The following TMEM203 variants were observed in gnomAD, a reference collection of about 807,000 sequenced individuals.
TMEM203 encodes HBeAg-binding protein 1.
Under a neutral mutation model 7.9 loss-of-function variants are expected in TMEM203, and 4 were observed. The ratio of observed to expected loss-of-function variants is 0.51; its 90% CI spans 0.25 to 1.16. TMEM203 has a LOEUF of 1.16. TMEM203 is among the 50% of genes most tolerant of loss of function. The pLI is 0.15. For missense variants in TMEM203, 127 were observed against 174.4 expected (o/e 0.73, Z 1.53); for synonymous variants, 92 against 82.5 (o/e 1.11, Z -0.62).
At position 137,204,947 on chromosome 9, in the gene TMEM203, C is replaced by T. The variant is rs1434605521; in HGVS notation, c.*57G>A. 2 of 1,543,836 alleles carry T rather than the reference C, an allele frequency of 1.3e-6. No homozygotes were observed. The highest frequency in any genetic ancestry group is 1.2e-5 in the South Asian group (1 of 80,868). ...CTCCGGTGCGCTGCAAGTAGGGCCT[C>T]GGCTCGAGGTCAACATTCTAGTTGT... On this transcript the variant is annotated 3_prime_UTR_variant, in exon 1 of 1. Coordinates refer to ENST00000343666, the MANE Select transcript of TMEM203 (RefSeq NM_053045.2).
rs1015253249 is a variant in TMEM203, at chr9:137,205,522, G to A, written c.-108C>T. 4 of 1,254,878 alleles carry A rather than the reference G, an allele frequency of 3.2e-6. No individual in the cohort carries two copies. The East Asian group carries it at 1.3e-4, about 40-fold the overall frequency. The allele number at this position is 1,254,878 out of a possible 1,614,324, so 77.7% of individuals were successfully genotyped here. A position where few individuals can be genotyped will look rare whatever the true frequency, so the allele number is the denominator to read the frequency against. ...CGCCTGCCGCCGCTGCTGCGAGCGA[G>A]AGGCAGCGAGCGGCCCCGCCAGCCC... On this transcript the variant is annotated 5_prime_UTR_variant, in exon 1 of 1. Coordinates refer to ENST00000343666, the MANE Select transcript of TMEM203 (RefSeq NM_053045.2).
Position 137,204,512 on chromosome 9 carries a change from GAT to G in TMEM203, c.*490_*491del, listed in dbSNP as rs1232902056. ...AGGAGATACAAGCTCGTTTACATGT[GAT>G]AGATCTAACAAAGGCATCTACCGAA... On this transcript the variant is annotated 3_prime_UTR_variant, in exon 1 of 1. Transcript: ENST00000343666. The G allele has an allele frequency of 6.4e-6, 1 of 155,478 alleles. No homozygotes were observed. The highest frequency in any genetic ancestry group is 1.9e-4 in the East Asian group (1 of 5,266). The allele number at this position is 155,478 out of a possible 1,614,324, so 9.6% of individuals were successfully genotyped here. A position where few individuals can be genotyped will look rare whatever the true frequency, so the allele number is the denominator to read the frequency against.
Position 137,205,244 on chromosome 9 carries a change from G to C in TMEM203, c.171C>G (p.Asp57Glu). The C allele has an allele frequency of 6.2e-7, 1 of 1,611,656 alleles. No individual in the cohort carries two copies. ...WNVFVPFFAADGLSTYFTTIV... is the reference protein window; with the variant it reads ...WNVFVPFFAAEGLSTYFTTIV... ...TGGTGGTGAAGTAGGTGCTGAGCCC[G>C]TCAGCGGCGAAGAAAGGCACGAACA... Residue 57 changes from aspartate (D) to glutamate (E), a missense_variant, in exon 1 of 1, where the codon GAC (aspartate) becomes GAG (glutamate). Physicochemically the swap from Asp to Glu is conservative, Grantham distance 45. Coordinates refer to ENST00000343666, the MANE Select transcript of TMEM203 (RefSeq NM_053045.2).
Position 137,204,852 on chromosome 9 carries a change from G to A in TMEM203, c.*152C>T. The stretch of plus-strand genomic sequence containing the variant: ...CTGCTGAAGAAACCATTTCAAACAG[G>A]ATTGGAATAGGGAAACCCGGCACTC... On this transcript the variant is annotated 3_prime_UTR_variant, in exon 1 of 1. Transcript: ENST00000343666. 1.0e-6 allele frequency: 1 copy of A among 999,032 alleles called. No homozygotes were observed. Among genetic ancestry groups the A allele is most frequent in the Non-Finnish European group, 1.4e-6 (1 of 700,444 alleles). 61.9% of individuals were successfully genotyped at this position (999,032 alleles called of 1,614,324 possible). A position where few individuals can be genotyped will look rare whatever the true frequency, so the allele number is the denominator to read the frequency against.
chr9:137,204,805 A>G lies in TMEM203; in HGVS notation c.*199T>C. 1 of 676,478 alleles carries G rather than the reference A, an allele frequency of 1.5e-6. No individual in the cohort carries two copies. 41.9% of individuals were successfully genotyped at this position (676,478 alleles called of 1,614,324 possible). On this transcript the variant is annotated 3_prime_UTR_variant, in exon 1 of 1. Coordinates refer to ENST00000343666, the MANE Select transcript of TMEM203 (RefSeq NM_053045.2). ...AAACAAAAGGAAATACATTTTCAGG[A>G]TGAAGGCTGCTCTTTTAAGCCCTGC...
Position 137,205,549 on chromosome 9 carries a change from A to C in TMEM203, c.-135T>G. 8.2e-7 allele frequency: 1 copy of C among 1,218,386 alleles called. No homozygotes were observed. The highest frequency in any genetic ancestry group is 1.1e-6 in the Non-Finnish European group (1 of 935,142). The allele number at this position is 1,218,386 out of a possible 1,614,324, so 75.5% of individuals were successfully genotyped here. On this transcript the variant is annotated 5_prime_UTR_variant, in exon 1 of 1. Transcript: ENST00000343666. ...GGCAGCGAGCGGCCCCGCCAGCCCC[A>C]GCCCTCGGCCCTGATGCGCCGGCAA...
chr9:137,204,765 T>G lies in TMEM203; in HGVS notation c.*239A>C, dbSNP rs1834886485. 1.8e-6 allele frequency: 1 copy of G among 567,444 alleles called. No individual in the cohort carries two copies. Among genetic ancestry groups the G allele is most frequent in the African/African-American group, 1.9e-5 (1 of 53,604 alleles). 35.2% of individuals were successfully genotyped at this position (567,444 alleles called of 1,614,324 possible). On this transcript the variant is annotated 3_prime_UTR_variant, in exon 1 of 1. Coordinates refer to ENST00000343666, the MANE Select transcript of TMEM203 (RefSeq NM_053045.2). ...TCCTCATGACCTCAATTCAGGATTA[T>G]CTACTCAAAGCATTAAACAAAAGGA...
In TMEM203 at chr9:137,205,484, T is replaced by C. The variant is rs1468275433; in HGVS notation, c.-70A>G. The C allele has an allele frequency of 1.0e-5, 14 of 1,352,956 alleles. No homozygotes were observed. The highest frequency in any genetic ancestry group is 1.2e-5 in the Non-Finnish European group (13 of 1,051,740). The allele number at this position is 1,352,956 out of a possible 1,614,324, so 83.8% of individuals were successfully genotyped here. On this transcript the variant is annotated 5_prime_UTR_variant, in exon 1 of 1. Coordinates refer to ENST00000343666, the MANE Select transcript of TMEM203 (RefSeq NM_053045.2). ...CGCGGGGCTGCGTCTCCTCTCCCCG[T>C]GGCCCTCGCCCGCGCCTGCCGCCGC...
rs992461458 is a variant in TMEM203, at chr9:137,204,828, T to C, written c.*176A>G. ...GGATGAAGGCTGCTCTTTTAAGCCCTGCTGAAGAAACCATTTCAAACAGGA... is the reference window on the plus strand; with the variant it reads ...GGATGAAGGCTGCTCTTTTAAGCCCCGCTGAAGAAACCATTTCAAACAGGA... On this transcript the variant is annotated 3_prime_UTR_variant, in exon 1 of 1. Transcript: ENST00000343666. 36 of 799,708 alleles carry C rather than the reference T, an allele frequency of 4.5e-5. 1 individual carries two copies. The South Asian group carries it at 6.3e-4, about 14-fold the overall frequency. 49.5% of individuals were successfully genotyped at this position (799,708 alleles called of 1,614,324 possible).
chr9:137,205,446 C>A lies in TMEM203; in HGVS notation c.-32G>T, dbSNP rs1336875393. 1.4e-6 allele frequency: 2 copies of A among 1,475,426 alleles called. No homozygotes were observed. Among genetic ancestry groups the A allele is most frequent in the Non-Finnish European group, 1.8e-6 (2 of 1,109,108 alleles). The allele number at this position is 1,475,426 out of a possible 1,614,324, so 91.4% of individuals were successfully genotyped here. On this transcript the variant is annotated 5_prime_UTR_variant, in exon 1 of 1. Transcript: ENST00000343666. ...CGTTGAGCGCGGGCCGGGGCCCGGC[C>A]GAGCGTGCCACCCGCGGGGCTGCGT... is the stretch of plus-strand genomic sequence containing the variant.
At position 137,204,299 on chromosome 9, in the gene TMEM203, C is replaced by CA. The variant is rs1271591135; in HGVS notation, c.*704_*705insT. 7.9e-5 allele frequency: 12 copies of CA among 152,186 alleles called. No individual in the cohort carries two copies. The highest frequency in any genetic ancestry group is 2.9e-4 in the African/African-American group (12 of 41,418). The allele number at this position is 152,186 out of a possible 1,614,324, so 9.4% of individuals were successfully genotyped here. A position where few individuals can be genotyped will look rare whatever the true frequency, so the allele number is the denominator to read the frequency against. On this transcript the variant is annotated 3_prime_UTR_variant, in exon 1 of 1. Coordinates refer to ENST00000343666, the MANE Select transcript of TMEM203 (RefSeq NM_053045.2). ...TCTCAGGTGTGCTAAGAGTGCCAGC[C>CA]CAAGGTGGTCAAAAGTCCACAAAAC...
chr9:137,204,915 G>A lies in TMEM203; in HGVS notation c.*89C>T, dbSNP rs893640128. 22 of 1,484,142 alleles carry A rather than the reference G, an allele frequency of 1.5e-5. No homozygotes were observed. Among genetic ancestry groups the A allele is most frequent in the East Asian group, 2.4e-5 (1 of 42,324 alleles). 91.9% of individuals were successfully genotyped at this position (1,484,142 alleles called of 1,614,324 possible). A position where few individuals can be genotyped will look rare whatever the true frequency, so the allele number is the denominator to read the frequency against. ...GCCGGCGGTGCCTTCAGACTAGAGA[G>A]CCTCTCCTCCGGTGCGCTGCAAGTA... On this transcript the variant is annotated 3_prime_UTR_variant, in exon 1 of 1. Transcript: ENST00000343666.
Position 137,204,902 on chromosome 9 carries a change from T to G in TMEM203, c.*102A>C. 1 of 1,453,424 alleles carries G rather than the reference T, an allele frequency of 6.9e-7. No individual in the cohort carries two copies. The highest frequency in any genetic ancestry group is 9.1e-7 in the Non-Finnish European group (1 of 1,096,382). The allele number at this position is 1,453,424 out of a possible 1,614,324, so 90.0% of individuals were successfully genotyped here. On this transcript the variant is annotated 3_prime_UTR_variant, in exon 1 of 1. Transcript: ENST00000343666. ...CAGCTCGGCGCAAGCCGGCGGTGCCTTCAGACTAGAGAGCCTCTCCTCCGG... is the reference window on the plus strand; with the variant it reads ...CAGCTCGGCGCAAGCCGGCGGTGCCGTCAGACTAGAGAGCCTCTCCTCCGG...
chr9:137,204,941 G>A lies in TMEM203; in HGVS notation c.*63C>T, dbSNP rs2131359014. Reference sequence around the variant, plus strand: ...CCTCTCCTCCGGTGCGCTGCAAGTAGGGCCTCGGCTCGAGGTCAACATTCT... The same window carrying A: ...CCTCTCCTCCGGTGCGCTGCAAGTAAGGCCTCGGCTCGAGGTCAACATTCT... On this transcript the variant is annotated 3_prime_UTR_variant, in exon 1 of 1. Coordinates refer to ENST00000343666, the MANE Select transcript of TMEM203 (RefSeq NM_053045.2). 6.5e-7 allele frequency: 1 copy of A among 1,535,176 alleles called. No homozygotes were observed. Among genetic ancestry groups the A allele is most frequent in the African/African-American group, 1.4e-5 (1 of 72,876 alleles).
Position 137,204,676 on chromosome 9 carries a change from A to G in TMEM203, c.*328T>C. On this transcript the variant is annotated 3_prime_UTR_variant, in exon 1 of 1. Coordinates refer to ENST00000343666, the MANE Select transcript of TMEM203 (RefSeq NM_053045.2). ...CAGGAAATACTCAGAGTCCACCTGG[A>G]CATTTTACTTATATTCAGTTTCCAA... 1 of 262,714 alleles carries G rather than the reference A, an allele frequency of 3.8e-6. No individual in the cohort carries two copies. The highest frequency in any genetic ancestry group is 6.6e-5 in the South Asian group (1 of 15,120). The allele number at this position is 262,714 out of a possible 1,614,324, so 16.3% of individuals were successfully genotyped here.
In TMEM203 at chr9:137,205,418, G is replaced by A. The variant is rs1221604950; in HGVS notation, c.-4C>T. Reference sequence around the variant, plus strand: ...GCTCCCGGAGCGAGAAGAGCATCGCGCCCGTTGAGCGCGGGCCGGGGCCCG... The same window carrying A: ...GCTCCCGGAGCGAGAAGAGCATCGCACCCGTTGAGCGCGGGCCGGGGCCCG... On this transcript the variant is annotated 5_prime_UTR_variant, in exon 1 of 1. Transcript: ENST00000343666. 6.4e-7 allele frequency: 1 copy of A among 1,552,608 alleles called. No homozygotes were observed. The highest frequency in any genetic ancestry group is 2.2e-4 in the Middle Eastern group (1 of 4,598).
Position 137,204,768 on chromosome 9 carries a change from A to C in TMEM203, c.*236T>G. ...TCATGACCTCAATTCAGGATTATCT[A>C]CTCAAAGCATTAAACAAAAGGAAAT... is the stretch of plus-strand genomic sequence containing the variant. On this transcript the variant is annotated 3_prime_UTR_variant, in exon 1 of 1. Transcript: ENST00000343666. 1.7e-6 allele frequency: 1 copy of C among 585,338 alleles called. No homozygotes were observed. The highest frequency in any genetic ancestry group is 2.9e-6 in the Non-Finnish European group (1 of 340,892). The allele number at this position is 585,338 out of a possible 1,614,324, so 36.3% of individuals were successfully genotyped here.
In TMEM203 at chr9:137,205,492, G is replaced by T. The variant is rs1834907626; in HGVS notation, c.-78C>A. 8.3e-6 allele frequency: 11 copies of T among 1,320,410 alleles called. No individual in the cohort carries two copies. The highest frequency in any genetic ancestry group is 9.7e-6 in the Non-Finnish European group (10 of 1,028,860). The allele number at this position is 1,320,410 out of a possible 1,614,324, so 81.8% of individuals were successfully genotyped here. A position where few individuals can be genotyped will look rare whatever the true frequency, so the allele number is the denominator to read the frequency against. On this transcript the variant is annotated 5_prime_UTR_variant, in exon 1 of 1. Coordinates refer to ENST00000343666, the MANE Select transcript of TMEM203 (RefSeq NM_053045.2). ...TGCGTCTCCTCTCCCCGTGGCCCTC[G>T]CCCGCGCCTGCCGCCGCTGCTGCGA...
chr9:137,205,561 T>C lies in TMEM203; in HGVS notation c.-147A>G. ...CCCCGCCAGCCCCAGCCCTCGGCCCTGATGCGCCGGCAATCCCCCGGCCCC... is the reference window on the plus strand; with the variant it reads ...CCCCGCCAGCCCCAGCCCTCGGCCCCGATGCGCCGGCAATCCCCCGGCCCC... On this transcript the variant is annotated 5_prime_UTR_variant, in exon 1 of 1. Coordinates refer to ENST00000343666, the MANE Select transcript of TMEM203 (RefSeq NM_053045.2). 8.2e-7 allele frequency: 1 copy of C among 1,219,990 alleles called. No individual in the cohort carries two copies. Among genetic ancestry groups the C allele is most frequent in the East Asian group, 3.0e-5 (1 of 33,172 alleles). The allele number at this position is 1,219,990 out of a possible 1,614,324, so 75.6% of individuals were successfully genotyped here. A position where few individuals can be genotyped will look rare whatever the true frequency, so the allele number is the denominator to read the frequency against.
Sources: gnomAD v4.1 joint callset for allele counts on GRCh38, gnomAD v4.1.1 for gene constraint, MANE v1.5 for transcripts, NCBI Gene and HGNC (gene_info 2026-07-23, HGNC 2026-07-21) for gene names.